Variants in CERT1 observed in about 807,000 individuals in gnomAD.
CERT1 encodes the protein ceramide transfer protein.
In CERT1, 31 loss-of-function variants were observed where a neutral mutation model predicts 87.9. The observed-to-expected ratio is 0.35, with a 90% confidence interval of 0.27 to 0.48. The LOEUF (loss-of-function observed/expected upper bound fraction) is 0.48, where lower values mean the gene tolerates loss of function less well. CERT1 is among the 20% of genes least tolerant of loss of function. The probability of loss-of-function intolerance (pLI) is 0.99; values close to 1 mark genes in which losing one functional copy is unlikely to be tolerated. For synonymous variants in CERT1, 289 were observed against 250.9 expected, an observed-to-expected ratio of 1.15 and a Z score of -1.44; for missense variants, 487 against 758.0, an observed-to-expected ratio of 0.64 and a Z score of 4.20.
intron 3 of CERT1, among the ~76,000 whole-genome samples, chr5:75,451,457 GTCA>G (rs1764766479): frequency 6.6e-6 from 1 of 152,130 alleles, no homozygotes; most frequent in Admixed American, 6.5e-5. Context: ...TTGATCCTCT[GTCA>G]TCATCATATG....
At chr5:75,417,672 G>C (rs1009713297) in intron 6 of CERT1, among the ~76,000 whole-genome samples, 21 of 152,108 alleles carry the variant, frequency 1.4e-4, no homozygotes, top group African/African-American at 4.8e-4. Context: ...AACGATTAGA[G>C]ATATGACAGT....
chr5:75,471,508 C>A (rs1276572606), intron 2 of CERT1, among the ~76,000 whole-genome samples: 1 of 152,008 alleles, frequency 6.6e-6, no homozygotes, highest in Non-Finnish European at 1.5e-5. Context: ...TGCCTGTAAT[C>A]CCAGCATTTT....
intron 3 of CERT1, among the ~76,000 whole-genome samples, chr5:75,452,299 C>T (rs190023334): frequency 3.9e-5 from 6 of 152,246 alleles, no homozygotes; most frequent in South Asian, 2.1e-4. Context: ...ATTTCCACAA[C>T]GTGGGGAAAG....
intron 3 of CERT1, among the ~76,000 whole-genome samples, chr5:75,451,574 C>T (rs1764770942): frequency 6.6e-6 from 1 of 152,144 alleles, no homozygotes; most frequent in South Asian, 2.1e-4. Context: ...AAACACTTCC[C>T]AGTTAAACCA....
At chr5:75,453,834 GA>G (rs1764859639) in intron 3 of CERT1, among the ~76,000 whole-genome samples, 1 of 152,138 alleles carries the variant, frequency 6.6e-6, no homozygotes, top group Admixed American at 6.6e-5. Context: ...GTGAGAGAGA[GA>G]GAGAGAGAGC....
rs751503901 is a variant in CERT1 at position 75,490,201 on chromosome 5, T to C, written c.231+15781A>G. On this transcript the variant is annotated intron_variant, in intron 2 of 16. Transcript: ENST00000643780. ...TCACACGCCGGGGCCTGTCGGGAGG[T>C]TGGGGACAAGGGGAGGCATAGCATT... 1.3e-4 allele frequency among the ~76,000 whole-genome samples: 20 copies of C among 151,822 alleles called. No homozygotes were observed. In the East Asian group the frequency reaches 1.9e-3, roughly 15 times the overall value.
intron 11 of CERT1, among the ~76,000 whole-genome samples, chr5:75,390,501 CTTAA>C (rs1304716456): frequency 6.6e-6 from 1 of 151,804 alleles, no homozygotes; most frequent in Non-Finnish European, 1.5e-5. Context: ...AAATGTAACT[CTTAA>C]TTATCACAAA....
Position 75,382,136 on chromosome 5 carries a change from C to T in CERT1, c.1489-59G>A, listed in dbSNP as rs142058997. The T allele has an allele frequency of 1.0e-4, 150 of 1,504,900 alleles. No homozygotes were observed. In the East Asian group the frequency reaches 2.6e-3, roughly 26 times the overall value. 93.2% of individuals were successfully genotyped at this position (1,504,900 alleles called of 1,614,324 possible). A position where few individuals can be genotyped will look rare whatever the true frequency, so the allele number is the denominator to read the frequency against. On this transcript the variant is annotated intron_variant, in intron 14 of 16. Transcript: ENST00000643780. ...TCTAACATGGAACTAACAAGAGAAA[C>T]GTAATGCCAATAAATGTCTTAATTG...
At chr5:75,425,100 A>T (rs758991592) in intron 5 of CERT1, among the ~76,000 whole-genome samples, 6 of 152,226 alleles carry the variant, frequency 3.9e-5, no homozygotes, top group Non-Finnish European at 8.8e-5. Flanking sequence ...CCTGGGCGAT[A>T]GAATGAAACC....
At chr5:75,461,506 G>A (rs897287786) in intron 2 of CERT1, among the ~76,000 whole-genome samples, 1 of 152,140 alleles carries the variant, frequency 6.6e-6, no homozygotes, top group Non-Finnish European at 1.5e-5. Flanking sequence ...CAGATGATCA[G>A]TCTATTGCTG....
chr5:75,408,091 T>C (rs971093080), intron 8 of CERT1, among the ~76,000 whole-genome samples: 12 of 152,086 alleles, frequency 7.9e-5, no homozygotes, highest in Non-Finnish European at 1.6e-4. Context: ...ATAGGAGCCA[T>C]TTAGGATTAA....
rs1189165226 is a variant in CERT1 at position 75,427,436 on chromosome 5, T to TA, written c.349-959dup. 2.0e-5 allele frequency among the ~76,000 whole-genome samples: 3 copies of TA among 152,188 alleles called. No individual in the cohort carries two copies. In the South Asian group the frequency reaches 6.2e-4, roughly 32 times the overall value. On this transcript the variant is annotated intron_variant, in intron 3 of 16. Transcript: ENST00000643780. ...CAATATGGTGAAACCCTGTCTCTACTAAAAATACAAAAATTAGCCGGGCAT... is the reference window on the plus strand; with the variant it reads ...CAATATGGTGAAACCCTGTCTCTACTAAAAAATACAAAAATTAGCCGGGCAT...
chr5:75,373,962 T>C (rs1580680591), downstream of CERT1: 1 of 397,014 alleles, frequency 2.5e-6, no homozygotes, highest in Non-Finnish European at 4.4e-6. Flanking sequence ...GCCATATACA[T>C]GTAATTTTAC....
intron 2 of CERT1, among the ~76,000 whole-genome samples, chr5:75,465,581 G>C (rs1056048334): frequency 6.6e-6 from 1 of 152,162 alleles, no homozygotes; most frequent in Non-Finnish European, 1.5e-5. Context: ...ATATTGCTAA[G>C]AAATACAAAG....
At chr5:75,481,407 C>T (rs774944805) in intron 2 of CERT1, among the ~76,000 whole-genome samples, 6 of 152,022 alleles carry the variant, frequency 3.9e-5, no homozygotes, top group South Asian at 2.1e-4. Flanking sequence ...TATAATTATA[C>T]GGTGCACCTT....
chr5:75,462,093 T>C (rs576211514), intron 2 of CERT1, among the ~76,000 whole-genome samples: 3 of 152,344 alleles, frequency 2.0e-5, no homozygotes, highest in African/African-American at 7.2e-5. Flanking sequence ...CTTGCTTCCT[T>C]AAATTTTGTG....
At chr5:75,511,052 C>A in intron 1 of CERT1, 60 bp downstream of exon 1, 4 of 1,465,930 alleles carry the variant, frequency 2.7e-6, no homozygotes, top group Non-Finnish European at 3.6e-6. Flanking sequence ...ACCGCCTCAG[C>A]GGATTGCCTC....
chr5:75,489,045 A>C (rs979166595), intron 2 of CERT1, among the ~76,000 whole-genome samples: 1 of 152,194 alleles, frequency 6.6e-6, no homozygotes, highest in South Asian at 2.1e-4. Context: ...TGGTACCAAA[A>C]CAGATATATA....
At chr5:75,477,728 A>C (rs1013137862) in intron 2 of CERT1, among the ~76,000 whole-genome samples, 2 of 151,560 alleles carry the variant, frequency 1.3e-5, no homozygotes, top group African/African-American at 4.8e-5. Flanking sequence ...AATATTATCC[A>C]GCTATTTTAA....
Sources: allele counts gnomAD v4.1 joint callset (sites outside exome capture counted in the v4.1 genomes callset), GRCh38; gene constraint gnomAD v4.1.1; transcripts MANE v1.5; gene names NCBI Gene and HGNC (gene_info 2026-07-23, HGNC 2026-07-21).